Variants in ZFHX3 observed in about 807,000 individuals in gnomAD.
ZFHX3 encodes the protein zinc finger homeobox 3.
In ZFHX3, 42 loss-of-function variants were observed where a neutral mutation model predicts 279.1. The ratio of observed to expected loss-of-function variants is 0.15; its 90% CI spans 0.12 to 0.19. The LOEUF is 0.19. ZFHX3 is among the 10% of genes least tolerant of loss of function. The pLI is 1.00. For synonymous variants in ZFHX3, 2,293 were observed against 1,957.8 expected, an observed-to-expected ratio of 1.17 and a Z score of -4.52; for missense variants, 4,981 against 4,754.0, an observed-to-expected ratio of 1.05 and a Z score of -1.40.
intron 3 of ZFHX3, among the ~76,000 whole-genome samples, chr16:73,435,039 G>A (rs925317043): frequency 1.3e-5 from 2 of 152,130 alleles, no homozygotes; most frequent in Non-Finnish European, 2.9e-5. Context: ...TATTAGGATT[G>A]TGGAATCATC....
chr16:73,631,510 T>C (rs911301253), intron 2 of ZFHX3, among the ~76,000 whole-genome samples: 2 of 152,142 alleles, frequency 1.3e-5, no homozygotes, highest in Admixed American at 6.5e-5. Context: ...ATGCACACAA[T>C]TGGGGTTAGA....
intron 5 of ZFHX3, among the ~76,000 whole-genome samples, chr16:73,185,195 A>G (rs1967884560): frequency 6.6e-6 from 1 of 152,330 alleles, no homozygotes; most frequent in Middle Eastern, 3.4e-3. Flanking sequence ...TAAGAGCCAT[A>G]TTAGAATGAT....
At chr16:73,809,943 G>A (rs1462614103) in intron 1 of ZFHX3, among the ~76,000 whole-genome samples, 1 of 152,150 alleles carries the variant, frequency 6.6e-6, no homozygotes, top group East Asian at 1.9e-4. Flanking sequence ...CTTGGTAGCA[G>A]TTCAAGGGAA....
At chr16:73,030,608 G>C in intron 1 of ZFHX3, among the ~76,000 whole-genome samples, 1 of 151,850 alleles carries the variant, frequency 6.6e-6, no homozygotes, top group East Asian at 1.9e-4. Flanking sequence ...AAATCTGGAA[G>C]TCAGAAGATA....
At chr16:73,448,954 A>G (rs1272154803) in intron 3 of ZFHX3, among the ~76,000 whole-genome samples, 1 of 152,184 alleles carries the variant, frequency 6.6e-6, no homozygotes, top group Non-Finnish European at 1.5e-5. Flanking sequence ...AAAGACAAGA[A>G]AGCCATATTT....
At chr16:73,422,582 G>C (rs946794618) in intron 3 of ZFHX3, among the ~76,000 whole-genome samples, 1 of 152,128 alleles carries the variant, frequency 6.6e-6, no homozygotes, top group Non-Finnish European at 1.5e-5. Flanking sequence ...CTTCCCAGAG[G>C]TCAGTGGCCT....
intron 3 of ZFHX3, among the ~76,000 whole-genome samples, chr16:72,907,631 C>T (rs2039216121): frequency 6.7e-6 from 1 of 148,250 alleles, no homozygotes; most frequent in South Asian, 2.1e-4. Flanking sequence ...CAGGTGCAGG[C>T]TCAGGCCACT....
intron 2 of ZFHX3, among the ~76,000 whole-genome samples, chr16:73,555,609 T>C (rs1340417230): frequency 6.6e-6 from 1 of 151,504 alleles, no homozygotes; most frequent in Non-Finnish European, 1.5e-5. Flanking sequence ...GATGGGTGGA[T>C]TGCTTGAGGC....
intron 2 of ZFHX3, among the ~76,000 whole-genome samples, chr16:73,645,399 G>T (rs2052609421): frequency 6.6e-6 from 1 of 152,164 alleles, no homozygotes; most frequent in Non-Finnish European, 1.5e-5. Context: ...TGGGACTACA[G>T]GCGCCCGCCG....
chr16:72,998,816 C>G (rs1015004818), intron 1 of ZFHX3, among the ~76,000 whole-genome samples: 3 of 152,248 alleles, frequency 2.0e-5, no homozygotes, highest in Non-Finnish European at 4.4e-5. Context: ...AGAAGTTAAG[C>G]TGCCCGGGCC....
At chr16:73,705,630 G>A (rs2053295785) in intron 1 of ZFHX3, among the ~76,000 whole-genome samples, 2 of 152,170 alleles carry the variant, frequency 1.3e-5, no homozygotes, top group Admixed American at 6.5e-5. Flanking sequence ...TTTCCTCCAC[G>A]TTTATTAAGT....
chr16:72,889,196 A>G (rs2038705308), intron 4 of ZFHX3, among the ~76,000 whole-genome samples: 1 of 151,912 alleles, frequency 6.6e-6, no homozygotes, highest in Non-Finnish European at 1.5e-5. Context: ...ACCCAGAATC[A>G]CTCCCAAATA....
chr16:73,333,048 C>G (rs962439089), intron 3 of ZFHX3, among the ~76,000 whole-genome samples: 1 of 152,000 alleles, frequency 6.6e-6, no homozygotes, highest in African/African-American at 2.4e-5. Flanking sequence ...CTTACATTTA[C>G]TTACTACACA....
intron 1 of ZFHX3, among the ~76,000 whole-genome samples, chr16:73,011,861 T>A (rs551275702): frequency 6.6e-6 from 1 of 152,058 alleles, no homozygotes. Flanking sequence ...GATACCTTTT[T>A]TTATCTTGGT....
chr16:73,593,674 T>C (rs1281385122), intron 2 of ZFHX3, among the ~76,000 whole-genome samples: 1 of 152,116 alleles, frequency 6.6e-6, no homozygotes, highest in Non-Finnish European at 1.5e-5. Flanking sequence ...ATGACATATA[T>C]AAAGACTGTG....
intron 4 of ZFHX3, among the ~76,000 whole-genome samples, chr16:72,889,504 A>G (rs1276372884): frequency 6.8e-6 from 1 of 148,076 alleles, no homozygotes; most frequent in African/African-American, 2.5e-5. Context: ...AAAAAAAAAA[A>G]AGAAGAAGAA....
At chr16:73,762,541 G>A (rs989946302) in intron 1 of ZFHX3, among the ~76,000 whole-genome samples, 13 of 152,018 alleles carry the variant, frequency 8.6e-5, no homozygotes, top group South Asian at 2.1e-4. Flanking sequence ...TGCTCATTGC[G>A]CACTACTCAC....
rs540467427 is a variant in ZFHX3, at chr16:73,001,575, G to A, written c.-49-41381C>T. 2.0e-5 allele frequency among the ~76,000 whole-genome samples: 3 copies of A among 152,230 alleles called. No homozygotes were observed. In the East Asian group the frequency reaches 5.8e-4, roughly 29 times the overall value. On this transcript the variant is annotated intron_variant, in intron 1 of 9. Coordinates refer to ENST00000268489, the MANE Select transcript of ZFHX3 (RefSeq NM_006885.4). ...TGCCTGTGGTCCCAACACTTTGGGAGGCTGAAGTGAGAGGATCACTTCAGC... is the reference window on the plus strand; with the variant it reads ...TGCCTGTGGTCCCAACACTTTGGGAAGCTGAAGTGAGAGGATCACTTCAGC...
At chr16:73,652,023 A>G (rs531178538) in intron 2 of ZFHX3, among the ~76,000 whole-genome samples, 1 of 152,354 alleles carries the variant, frequency 6.6e-6, no homozygotes, top group South Asian at 2.1e-4. Context: ...TAAACCCTCT[A>G]CACAGGGACA....
Sources: gnomAD v4.1 joint callset for allele counts (sites outside exome capture counted in the v4.1 genomes callset) on GRCh38, gnomAD v4.1.1 for gene constraint, MANE v1.5 for transcripts, NCBI Gene and HGNC (gene_info 2026-07-23, HGNC 2026-07-21) for gene names.